FAM13A: variants seen among roughly 807,000 people sequenced by gnomAD.
FAM13A encodes protein FAM13A.
FAM13A carries 76 observed loss-of-function variants against 129.6 expected under a neutral mutation model. That is an observed-to-expected ratio of 0.59 (90% CI 0.49 to 0.71). The LOEUF (loss-of-function observed/expected upper bound fraction) is 0.71, where lower values mean the gene tolerates loss of function less well. Among genes scored for constraint, FAM13A ranks in the 30% least tolerant of loss-of-function variants. The pLI is 0.00. For missense variants in FAM13A, 1,108 were observed against 1,249.3 expected (o/e 0.89, Z 1.70); for synonymous variants, 443 against 449.9 (o/e 0.98, Z 0.20).
intron 1 of FAM13A, among the ~76,000 whole-genome samples, chr4:89,031,860 T>C (rs1768720415): frequency 6.6e-6 from 1 of 152,192 alleles, no homozygotes; most frequent in African/African-American, 2.4e-5. Flanking sequence ...CTTATCACAA[T>C]TCCTTGATTT....
At chr4:88,857,628 CAAAAAAAAAA>C (rs1177788248) in intron 6 of FAM13A, among the ~76,000 whole-genome samples, 1 of 58,576 alleles carries the variant, frequency 1.7e-5, no homozygotes, top group Non-Finnish European at 3.5e-5. Flanking sequence ...GATTCTGCCT[CAAAAAAAAAA>C]AAAAAAAAAA....
intron 5 of FAM13A, among the ~76,000 whole-genome samples, chr4:88,916,550 C>T (rs1212843897): frequency 6.6e-6 from 1 of 152,178 alleles, no homozygotes; most frequent in African/African-American, 2.4e-5. Flanking sequence ...ACAGTCTTGA[C>T]TTAGAGAGGC....
At chr4:89,046,851 G>A (rs1346108722) in intron 1 of FAM13A, among the ~76,000 whole-genome samples, 5 of 151,474 alleles carry the variant, frequency 3.3e-5, no homozygotes, top group Admixed American at 6.6e-5. Flanking sequence ...GCCCTATCTC[G>A]AAAAGAAAAG....
At chr4:88,883,065 CAG>C (rs1431223269) in intron 6 of FAM13A, among the ~76,000 whole-genome samples, 4 of 152,010 alleles carry the variant, frequency 2.6e-5, no homozygotes, top group Non-Finnish European at 5.9e-5. Context: ...CAATAATAGT[CAG>C]AGACTTCAAT....
At chr4:88,923,550 T>G (rs1377035337) in intron 5 of FAM13A, among the ~76,000 whole-genome samples, 2 of 152,144 alleles carry the variant, frequency 1.3e-5, no homozygotes, top group African/African-American at 4.8e-5. Context: ...AGGGGACATA[T>G]CTCAAAATAA....
At position 89,057,071 on chromosome 4, in the gene FAM13A, A is replaced by C; in HGVS notation, c.-107T>G. Reference sequence around the variant, plus strand: ...GCACATATTCTTTGATGTGAAAAACAGCTCCCAATGCAAAGGCCCCAAGGT... The same window carrying C: ...GCACATATTCTTTGATGTGAAAAACCGCTCCCAATGCAAAGGCCCCAAGGT... On this transcript the variant is annotated 5_prime_UTR_variant, in exon 1 of 24. Transcript: ENST00000264344. The C allele has an allele frequency of 6.4e-7, 1 of 1,560,928 alleles. No homozygotes were observed. The highest frequency in any genetic ancestry group is 8.6e-7 in the Non-Finnish European group (1 of 1,156,972).
intron 6 of FAM13A, among the ~76,000 whole-genome samples, chr4:88,867,620 TA>T (rs557742753): frequency 1.0e-3 from 152 of 152,336 alleles, no homozygotes; most frequent in African/African-American, 3.6e-3. Context: ...AATTCACAAA[TA>T]TAGAAGACAC....
At position 88,731,328 on chromosome 4, in the gene FAM13A, T is replaced by G. The variant is rs1737734267; in HGVS notation, c.2944A>C (p.Arg982=). ...FEDNFFRQNG[R]NVQKEDRTPM... ...AGGGTGGGGGAAGACAGGCACTACCTTCCATTCTGTCTGAAAAAGTTGTCT... is the reference window on the plus strand; with the variant it reads ...AGGGTGGGGGAAGACAGGCACTACCGTCCATTCTGTCTGAAAAAGTTGTCT... Residue 982 remains arginine (R), a splice_region_variant and synonymous_variant, in exon 23 of 24, where the codon AGA becomes CGA. Coordinates refer to ENST00000264344, the MANE Select transcript of FAM13A (RefSeq NM_014883.4). 6.3e-7 allele frequency: 1 copy of G among 1,584,924 alleles called. No homozygotes were observed. Among genetic ancestry groups the G allele is most frequent in the South Asian group, 1.1e-5 (1 of 90,510 alleles).
At chr4:88,965,297 T>C (rs1309748562) in intron 4 of FAM13A, among the ~76,000 whole-genome samples, 1 of 152,230 alleles carries the variant, frequency 6.6e-6, no homozygotes, top group Admixed American at 6.5e-5. Flanking sequence ...GACTCTGGGT[T>C]TGTTGCTGTG....
At chr4:88,966,635 C>A (rs543732265) in intron 4 of FAM13A, among the ~76,000 whole-genome samples, 1 of 151,924 alleles carries the variant, frequency 6.6e-6, no homozygotes, top group Non-Finnish European at 1.5e-5. Context: ...GTTGAATCCC[C>A]GGCAGTCAGT....
chr4:88,961,583 G>C (rs1231998877), intron 4 of FAM13A, among the ~76,000 whole-genome samples: 1 of 151,854 alleles, frequency 6.6e-6, no homozygotes, highest in Non-Finnish European at 1.5e-5. Context: ...TGGCCAGGCT[G>C]GTCTCGAACT....
intron 13 of FAM13A, among the ~76,000 whole-genome samples, chr4:88,763,277 GTTCATTCATTCATTCA>G (rs3067663): frequency 1.3e-5 from 2 of 150,730 alleles, no homozygotes; most frequent in Admixed American, 6.6e-5. Flanking sequence ...TTTCCCATTC[GTTCATTCATTCATTCA>G]TTCATTCATT....
At chr4:88,800,732 A>G (rs948957095) in intron 8 of FAM13A, among the ~76,000 whole-genome samples, 16 of 151,442 alleles carry the variant, frequency 1.1e-4, no homozygotes, top group African/African-American at 3.9e-4. Flanking sequence ...AAAAAGAAAC[A>G]CTATTATAAT....
At position 88,728,581 on chromosome 4, in the gene FAM13A, G is replaced by A. The variant is rs143085078; in HGVS notation, c.3024C>T (p.Leu1008=). 560 of 1,614,066 alleles carry A rather than the reference G, an allele frequency of 3.5e-4. 2 individuals are homozygous for A. The highest frequency in any genetic ancestry group is 4.6e-4 in the Non-Finnish European group (542 of 1,180,022). The change falls in exon 24 of 24, where the codon CTC becomes CTT. Residue 1008 remains leucine, a synonymous_variant. Coordinates refer to ENST00000264344, the MANE Select transcript of FAM13A (RefSeq NM_014883.4). ...EYKHIKAKLR[L]LEVLISKRDT... ...CTCTCTTGCTGATGAGCACCTCCAG[G>A]AGCCTCAGTTTCGCCTTTATGTGCT...
chr4:88,797,273 GT>G (rs34600800), intron 8 of FAM13A, among the ~76,000 whole-genome samples: 432 of 143,102 alleles, frequency 3.0e-3, no homozygotes, highest in Middle Eastern at 0.018. Flanking sequence ...AGTTTTGTGG[GT>G]TTTTTTTTTT....
chr4:88,931,078 T>C, intron 5 of FAM13A, among the ~76,000 whole-genome samples: 1 of 151,962 alleles, frequency 6.6e-6, no homozygotes, highest in East Asian at 1.9e-4. Context: ...GACAAGAAGC[T>C]GTGGGGAGTG....
At chr4:88,794,043 A>T (rs1374924608) in intron 8 of FAM13A, among the ~76,000 whole-genome samples, 10 of 152,032 alleles carry the variant, frequency 6.6e-5, no homozygotes, top group Admixed American at 6.6e-4. Context: ...TTCCTTCTTC[A>T]TCTGTATGTA....
chr4:88,879,173 C>A (rs1743115578), intron 6 of FAM13A, among the ~76,000 whole-genome samples: 1 of 152,142 alleles, frequency 6.6e-6, no homozygotes, highest in Admixed American at 6.5e-5. Context: ...CAATATAGAG[C>A]TTTAGCACTT....
At chr4:89,030,714 A>G (rs1416890198) in intron 1 of FAM13A, among the ~76,000 whole-genome samples, 2 of 152,204 alleles carry the variant, frequency 1.3e-5, no homozygotes, top group Non-Finnish European at 2.9e-5. Context: ...AGACAGTTTC[A>G]TCTTGCTCTA....
Sources: allele counts gnomAD v4.1 joint callset (sites outside exome capture counted in the v4.1 genomes callset), GRCh38; gene constraint gnomAD v4.1.1; transcripts MANE v1.5; gene names NCBI Gene and HGNC (gene_info 2026-07-23, HGNC 2026-07-21).